Variants in PRSS23 observed in about 807,000 individuals in gnomAD.
PRSS23 encodes serine protease 23, also known as protease, serine 23.
In PRSS23, 25 loss-of-function variants were observed where a neutral mutation model predicts 34.7. The ratio of observed to expected loss-of-function variants is 0.72; its 90% CI spans 0.53 to 1.01. PRSS23 has a LOEUF of 1.01. Ranked by LOEUF, PRSS23 falls within the 50% of genes least tolerant of loss-of-function variation. The probability of loss-of-function intolerance (pLI) is 0.00; values close to 1 mark genes in which losing one functional copy is unlikely to be tolerated. For missense variants in PRSS23, 445 were observed against 475.6 expected (o/e 0.94, Z 0.60); for synonymous variants, 176 against 186.6 (o/e 0.94, Z 0.46).
At chr11:86,821,545 T>C in intron 1 of PRSS23, 1 of 1,611,120 alleles carries the variant, frequency 6.2e-7, no homozygotes, top group Non-Finnish European at 8.5e-7. Context: ...TGCAAGTATC[T>C]GGATGGCATT....
At chr11:86,806,201 C>T (rs1948098986) in intron 1 of PRSS23, among the ~76,000 whole-genome samples, 1 of 152,254 alleles carries the variant, frequency 6.6e-6, no homozygotes. Flanking sequence ...ACCACTTCCT[C>T]TACTCCACCC....
At chr11:86,856,561 G>C (rs960085077) in intron 2 of PRSS23, among the ~76,000 whole-genome samples, 1 of 152,162 alleles carries the variant, frequency 6.6e-6, no homozygotes, top group African/African-American at 2.4e-5. Flanking sequence ...TTGATGTACA[G>C]TATGTCCTGA....
At chr11:86,931,170 T>G (rs900301305) in intron 2 of PRSS23, among the ~76,000 whole-genome samples, 30 of 152,322 alleles carry the variant, frequency 2.0e-4, no homozygotes, top group African/African-American at 6.5e-4. Flanking sequence ...TTTGGAAAAC[T>G]GTCTGGCAGT....
At chr11:86,847,070 G>A (rs533956600) in intron 2 of PRSS23, among the ~76,000 whole-genome samples, 31 of 152,306 alleles carry the variant, frequency 2.0e-4, no homozygotes, top group East Asian at 3.9e-4. Context: ...GGAAGAAAAT[G>A]TAGTCAGTTG....
At chr11:86,895,930 A>T (rs1454189959) in intron 2 of PRSS23, among the ~76,000 whole-genome samples, 1 of 152,214 alleles carries the variant, frequency 6.6e-6, no homozygotes, top group African/African-American at 2.4e-5. Flanking sequence ...TTTCAGTCAA[A>T]TTATCAGGAA....
downstream of PRSS23, among the ~76,000 whole-genome samples, chr11:86,813,720 A>G (rs965261308): frequency 2.6e-4 from 40 of 152,298 alleles, 1 homozygote; most frequent in African/African-American, 9.1e-4. Flanking sequence ...AATTTTTAAT[A>G]TTTTTTAATG....
intron 2 of PRSS23, among the ~76,000 whole-genome samples, chr11:86,913,882 G>C (rs1948994287): frequency 6.6e-6 from 1 of 151,154 alleles, no homozygotes; most frequent in Non-Finnish European, 1.5e-5. Flanking sequence ...AGTCAGAGAA[G>C]CTGGAAACTG....
chr11:86,808,453 G>T lies in PRSS23; in HGVS notation c.810G>T (p.Lys270Asn), dbSNP rs1214177802. 6.2e-7 allele frequency: 1 copy of T among 1,614,236 alleles called. No individual in the cohort carries two copies. Among genetic ancestry groups the T allele is most frequent in the Non-Finnish European group, 8.5e-7 (1 of 1,180,044 alleles). ...FMKIGVSPPA[K>N]QLPGGRIHFS... ...AGATTGGGGTGAGCCCTCCTGCTAA[G>T]CAGCTGCCAGGGGGCAGAATTCACT... Residue 270 changes from lysine (K) to asparagine (N), a missense_variant, in exon 2 of 2, where the codon AAG (lysine) becomes AAT (asparagine). Coordinates refer to ENST00000280258, the MANE Select transcript of PRSS23 (RefSeq NM_007173.6).
intron 2 of PRSS23, among the ~76,000 whole-genome samples, chr11:86,831,098 A>T (rs1948351755): frequency 6.6e-6 from 1 of 152,018 alleles, no homozygotes; most frequent in African/African-American, 2.4e-5. Flanking sequence ...TCCTAGGCGG[A>T]TGTTATTCCT....
At chr11:86,843,578 A>G (rs1359282977) in intron 2 of PRSS23, among the ~76,000 whole-genome samples, 1 of 152,220 alleles carries the variant, frequency 6.6e-6, no homozygotes, top group African/African-American at 2.4e-5. Flanking sequence ...TTTACAAGAA[A>G]AAAAGCCCCA....
At chr11:86,920,786 T>C (rs1949042927) in intron 2 of PRSS23, among the ~76,000 whole-genome samples, 1 of 152,186 alleles carries the variant, frequency 6.6e-6, no homozygotes, top group South Asian at 2.1e-4. Context: ...TCTGTCTTCA[T>C]TTCCTCATGT....
At chr11:86,887,979 G>A (rs1461772536) in intron 2 of PRSS23, among the ~76,000 whole-genome samples, 2 of 151,892 alleles carry the variant, frequency 1.3e-5, no homozygotes, top group Non-Finnish European at 2.9e-5. Flanking sequence ...TTGAATCTGG[G>A]AGGCAGAGGT....
chr11:86,879,439 C>T (rs966647845), intron 2 of PRSS23, among the ~76,000 whole-genome samples: 1 of 151,826 alleles, frequency 6.6e-6, no homozygotes, highest in Non-Finnish European at 1.5e-5. Flanking sequence ...GCCACCCCAT[C>T]CGGGAGGGAG....
intron 2 of PRSS23, among the ~76,000 whole-genome samples, chr11:86,886,905 G>A (rs1948806247): frequency 6.6e-6 from 1 of 152,106 alleles, no homozygotes; most frequent in South Asian, 2.1e-4. Context: ...TCGCGCCACT[G>A]CCCTCCAGCA....
At chr11:86,811,507 G>C (rs1948178106), downstream of PRSS23, among the ~76,000 whole-genome samples, 1 of 152,210 alleles carries the variant, frequency 6.6e-6, no homozygotes, top group African/African-American at 2.4e-5. Flanking sequence ...GTTTTACATA[G>C]ACTTTACTCC....
intron 2 of PRSS23, among the ~76,000 whole-genome samples, chr11:86,855,820 C>T (rs1367452788): frequency 6.6e-6 from 1 of 152,112 alleles, no homozygotes; most frequent in Non-Finnish European, 1.5e-5. Context: ...TTTCTTGTTC[C>T]TACATATAAG....
rs1466576343 is a variant in PRSS23 at position 86,808,583 on chromosome 11, G to C, written c.940G>C (p.Gly314Arg). 6.2e-7 allele frequency: 1 copy of C among 1,614,236 alleles called. No individual in the cohort carries two copies. Among genetic ancestry groups the C allele is most frequent in the South Asian group, 1.1e-5 (1 of 91,080 alleles). The change falls in exon 2 of 2, where the codon GGG becomes CGG. Residue 314 changes from glycine (G) to arginine (R), a missense_variant. Physicochemically the swap from Gly to Arg is moderately radical, Grantham distance 125. Coordinates refer to ENST00000280258, the MANE Select transcript of PRSS23 (RefSeq NM_007173.6). ...CTACCAGCAATGCGATGCCCAGCCA[G>C]GGGCCAGCGGGTCTGGGGTCTATGT... ...LLYQQCDAQP[G>R]ASGSGVYVRM...
chr11:86,949,626 C>T (rs1002702364), intron 2 of PRSS23: 26 of 152,708 alleles, frequency 1.7e-4, no homozygotes, highest in Admixed American at 5.2e-4. Flanking sequence ...GTGCAATTTT[C>T]GAGAGGCTGC....
intron 1 of PRSS23, among the ~76,000 whole-genome samples, chr11:86,806,154 A>G (rs1237356697): frequency 1.3e-5 from 2 of 152,228 alleles, no homozygotes; most frequent in East Asian, 1.9e-4. Context: ...TTTAGTACAC[A>G]TAGCACTTCA....
Sources: gnomAD v4.1 joint callset for allele counts (sites outside exome capture counted in the v4.1 genomes callset) on GRCh38, gnomAD v4.1.1 for gene constraint, MANE v1.5 for transcripts, NCBI Gene and HGNC (gene_info 2026-07-23, HGNC 2026-07-21) for gene names.